HACL1: variants seen among roughly 807,000 people sequenced by gnomAD.
The protein encoded by HACL1 is 1600020H07Rik.
HACL1 carries 64 observed loss-of-function variants against 74.2 expected under a neutral mutation model. The observed-to-expected ratio is 0.86, with a 90% CI of 0.70 to 1.06. The LOEUF (loss-of-function observed/expected upper bound fraction) is 1.06. HACL1 is among the 50% of genes least tolerant of loss of function. HACL1 has a pLI of 0.00. For synonymous variants in HACL1, 230 were observed against 238.8 expected, an observed-to-expected ratio of 0.96 and a Z score of 0.34; for missense variants, 728 against 719.7, an observed-to-expected ratio of 1.01 and a Z score of -0.13.
intron 9 of HACL1, among the ~76,000 whole-genome samples, chr3:15,578,091 C>A (rs2063656756): frequency 1.5e-5 from 2 of 136,538 alleles, no homozygotes; most frequent in Non-Finnish European, 3.1e-5. Flanking sequence ...GAGCAAGACT[C>A]CGTCTCAAAA....
Position 15,600,987 on chromosome 3 carries a change from TAGC to T in HACL1, c.186+100_186+102del, listed in dbSNP as rs1469973933. On this transcript the variant is annotated intron_variant, in intron 2 of 16. Coordinates refer to ENST00000321169, the MANE Select transcript of HACL1 (RefSeq NM_012260.4). ...AGTGATTGATATGATATATGTAAAG[TAGC>T]AGAAGAGTGGTAAGCGCTATCTGGG... is the stretch of plus-strand genomic sequence containing the variant. The T allele has an allele frequency of 1.1e-5, 8 of 726,558 alleles. No individual in the cohort carries two copies. The African/African-American group carries it at 1.4e-4, about 13-fold the overall frequency. The allele number at this position is 726,558 out of a possible 1,614,324, so 45.0% of individuals were successfully genotyped here.
rs142864860 is a variant in HACL1, at chr3:15,601,113, T to C, written c.163A>G (p.Ile55Val). 9.9e-6 allele frequency: 16 copies of C among 1,612,918 alleles called. No homozygotes were observed. The African/African-American group carries it at 1.1e-4, about 11-fold the overall frequency. Residue 55 changes from isoleucine to valine, a missense_variant, in exon 2 of 17, where the codon ATC becomes GTC. Transcript: ENST00000321169. The part of the protein sequence containing the change: ...IAAQQLGIKY[I>V]GMRNEQAACY... ...ACCGCTTGCTCATTCCTCATCCCGA[T>C]GTACTTGATGCCTAGCTGCTGGGCA... is the stretch of plus-strand genomic sequence containing the variant.
chr3:15,575,472 T>C (rs1413537766), intron 9 of HACL1, among the ~76,000 whole-genome samples: 1 of 152,208 alleles, frequency 6.6e-6, no homozygotes, highest in Non-Finnish European at 1.5e-5. Context: ...AATTTTCATC[T>C]ACTTTTGTTT....
chr3:15,568,394 T>C (rs1427161355), intron 13 of HACL1, 38 bp downstream of exon 13: 1 of 1,301,994 alleles, frequency 7.7e-7, no homozygotes, highest in Non-Finnish European at 1.1e-6. Context: ...AAACACATTA[T>C]AATGAATTAC....
chr3:15,565,206 T>C (rs1212302417), intron 14 of HACL1, among the ~76,000 whole-genome samples: 1 of 152,114 alleles, frequency 6.6e-6, no homozygotes, highest in African/African-American at 2.4e-5. Context: ...AGCTATTAGC[T>C]ATGAACCTCA....
rs1395695584 is a variant in HACL1 at position 15,586,508 on chromosome 3, GTTA to G, written c.459+14_459+16del. 9 of 1,409,040 alleles carry G rather than the reference GTTA, an allele frequency of 6.4e-6. No individual in the cohort carries two copies. Among genetic ancestry groups the G allele is most frequent in the Non-Finnish European group, 9.0e-6 (9 of 1,001,738 alleles). The allele number at this position is 1,409,040 out of a possible 1,614,324, so 87.3% of individuals were successfully genotyped here. On this transcript the variant is annotated intron_variant, in intron 6 of 16. Transcript: ENST00000321169. The stretch of plus-strand genomic sequence containing the variant: ...AAAAATCAGTTGACTTGGAGAGCTT[GTTA>G]TTAAATACTGTACCTTTTCAATAAC...
At position 15,580,037 on chromosome 3, in the gene HACL1, A is replaced by C; in HGVS notation, c.676T>G (p.Tyr226Asp). ...PLLIIGKGAA[Y>D]AHAEESIKKL... ...TTGATACTCTCTTCTGCATGAGCGT[A>C]AGCAGCACCTATAAGAAATGCAAAT... The change falls in exon 9 of 17, where the codon TAC becomes GAC. Residue 226 changes from tyrosine (Y) to aspartate (D), a missense_variant. By Grantham distance (160) the Tyr-to-Asp change is radical. Coordinates refer to ENST00000321169, the MANE Select transcript of HACL1 (RefSeq NM_012260.4). 2 of 1,612,282 alleles carry C rather than the reference A, an allele frequency of 1.2e-6. No individual in the cohort carries two copies. Among genetic ancestry groups the C allele is most frequent in the Non-Finnish European group, 1.7e-6 (2 of 1,178,612 alleles).
At chr3:15,596,224 T>C (rs577296064) in intron 3 of HACL1, 160 bp downstream of exon 3, 29 of 592,190 alleles carry the variant, frequency 4.9e-5, no homozygotes, top group African/African-American at 3.5e-4. Flanking sequence ...ATCATTATTC[T>C]TTTGATGTGG....
intron 16 of HACL1, among the ~76,000 whole-genome samples, chr3:15,561,758 G>A (rs929341169): frequency 2.0e-5 from 3 of 152,170 alleles, no homozygotes; most frequent in Non-Finnish European, 4.4e-5. Flanking sequence ...TTAGCTCACT[G>A]CAACCTCCAC....
rs1216324943 is a variant in HACL1, at chr3:15,590,915, T to C, written c.308+685A>G. On this transcript the variant is annotated intron_variant, in intron 4 of 16. Coordinates refer to ENST00000321169, the MANE Select transcript of HACL1 (RefSeq NM_012260.4). The stretch of plus-strand genomic sequence containing the variant: ...GGCCAGCATGGTGAAACCTCTTCTC[T>C]ACTAAAAATACAAAAATTAGCCGGG... 2.0e-5 allele frequency among the ~76,000 whole-genome samples: 3 copies of C among 152,164 alleles called. No homozygotes were observed. The South Asian group carries it at 6.2e-4, about 32-fold the overall frequency.
intron 3 of HACL1, among the ~76,000 whole-genome samples, chr3:15,593,656 G>T (rs2063998928): frequency 1.3e-5 from 2 of 151,908 alleles, no homozygotes; most frequent in African/African-American, 2.4e-5. Context: ...GCAAATTTTT[G>T]ACTGCTGAGT....
chr3:15,589,596 C>T lies in HACL1; in HGVS notation c.325G>A (p.Gly109Ser). 6.2e-7 allele frequency: 1 copy of T among 1,606,092 alleles called. No homozygotes were observed. Among genetic ancestry groups the T allele is most frequent in the Non-Finnish European group, 8.5e-7 (1 of 1,172,876 alleles). Reference sequence around the variant, plus strand: ...TCTTGGTTTCTTTCAGAGGAACCACCAATCACAAGCAAGGGCCTGAAACAA... The same window carrying T: ...TCTTGGTTTCTTTCAGAGGAACCACTAATCACAAGCAAGGGCCTGAAACAA... ...NMNCWPLLVI[G>S]GSSERNQETM... is the part of the protein sequence containing the mutation. Residue 109 changes from glycine to serine, a missense_variant, in exon 5 of 17, where the codon GGT becomes AGT. Transcript: ENST00000321169.
At chr3:15,593,928 G>C (rs564354306) in intron 3 of HACL1, among the ~76,000 whole-genome samples, 2 of 151,498 alleles carry the variant, frequency 1.3e-5, no homozygotes, top group Non-Finnish European at 2.9e-5. Context: ...CTCCCAAGTA[G>C]CTGGGATTAC....
rs765791155 is a variant in HACL1, at chr3:15,585,233, A to G, written c.554+15T>C. ...TGTACATTGAAGAAAGAATTCCAGC[A>G]TAACTATTACTCACTTTATAGAATT... On this transcript the variant is annotated intron_variant, in intron 7 of 16. Coordinates refer to ENST00000321169, the MANE Select transcript of HACL1 (RefSeq NM_012260.4). 15 of 1,254,746 alleles carry G rather than the reference A, an allele frequency of 1.2e-5. No homozygotes were observed. In the Admixed American group the frequency reaches 1.7e-4, roughly 14 times the overall value. 77.7% of individuals were successfully genotyped at this position (1,254,746 alleles called of 1,614,324 possible). A position where few individuals can be genotyped will look rare whatever the true frequency, so the allele number is the denominator to read the frequency against.
intron 14 of HACL1, among the ~76,000 whole-genome samples, chr3:15,565,281 T>C (rs1158281489): frequency 6.6e-6 from 1 of 152,218 alleles, no homozygotes; most frequent in African/African-American, 2.4e-5. Context: ...GAAGAACACC[T>C]TCCCTATTTA....
chr3:15,568,919 G>A (rs933498971), intron 12 of HACL1, among the ~76,000 whole-genome samples: 12 of 152,136 alleles, frequency 7.9e-5, no homozygotes, highest in African/African-American at 1.9e-4. Context: ...AAAACTAAAC[G>A]TTCTTATTTG....
intron 2 of HACL1, among the ~76,000 whole-genome samples, chr3:15,598,455 CT>C (rs2064113984): frequency 6.6e-6 from 1 of 152,326 alleles, no homozygotes; most frequent in East Asian, 1.9e-4. Flanking sequence ...AGCTTCCCCA[CT>C]TTCTACTGTG....
In HACL1 at chr3:15,568,474, T is replaced by C; in HGVS notation, c.1208A>G (p.Asp403Gly). The C allele has an allele frequency of 6.2e-7, 1 of 1,607,466 alleles. No individual in the cohort carries two copies. Among genetic ancestry groups the C allele is most frequent in the Non-Finnish European group, 8.5e-7 (1 of 1,174,394 alleles). Residue 403 changes from aspartate (D) to glycine (G), a missense_variant, in exon 13 of 17, where the codon GAC (aspartate) becomes GGC (glycine). By Grantham distance (94) the Asp-to-Gly change is moderately conservative (BLOSUM62 -1). Transcript: ENST00000321169. ...FVVSEGANTM[D>G]IGRTVLQNYL... ...GTTCTGAAGCACAGTCCGTCCAATGTCCATAGTATTTGCTCCTTCACTTAC... is the reference window on the plus strand; with the variant it reads ...GTTCTGAAGCACAGTCCGTCCAATGCCCATAGTATTTGCTCCTTCACTTAC...
rs1317873155 is a variant in HACL1 at position 15,567,841 on chromosome 3, T to C, written c.1409+3A>G. The C allele has an allele frequency of 6.2e-7, 1 of 1,612,480 alleles. No homozygotes were observed. Among genetic ancestry groups the C allele is most frequent in the East Asian group, 2.2e-5 (1 of 44,874 alleles). On this transcript the variant is annotated splice_donor_region_variant and intron_variant, in intron 14 of 16. Coordinates refer to ENST00000321169, the MANE Select transcript of HACL1 (RefSeq NM_012260.4). ...AATGCTCTGATTCAGGATGATGTTT[T>C]ACCTGCAGATGGTTTCTACCTCCAT...
Sources: gnomAD v4.1 joint callset for allele counts (sites outside exome capture counted in the v4.1 genomes callset) on GRCh38, gnomAD v4.1.1 for gene constraint, MANE v1.5 for transcripts, NCBI Gene and HGNC (gene_info 2026-07-23, HGNC 2026-07-21) for gene names.